Variants in C3orf49 observed in about 807,000 individuals in gnomAD.
The protein encoded by C3orf49 is putative uncharacterized protein C3orf49.
A neutral mutation model predicts 13.3 loss-of-function variants in C3orf49; 27 were observed. The ratio of observed to expected loss-of-function variants is 2.02; its 90% CI spans 1.49 to 2.79. C3orf49 has a LOEUF of 2.79. Among genes scored for constraint, C3orf49 ranks in the 30% most tolerant of loss-of-function variants. The pLI is 0.00. For missense variants in C3orf49, 242 were observed against 134.2 expected, an observed-to-expected ratio of 1.80 and a Z score of -3.97; for synonymous variants, 87 against 47.6, an observed-to-expected ratio of 1.83 and a Z score of -3.40.
rs1255265912 is a variant in C3orf49 at position 63,845,081 on chromosome 3, A to T, written c.*29A>T. The T allele has an allele frequency of 2.9e-6, 2 of 697,556 alleles. No homozygotes were observed. Among genetic ancestry groups the T allele is most frequent in the South Asian group, 3.0e-5 (2 of 66,944 alleles). 43.2% of individuals were successfully genotyped at this position (697,556 alleles called of 1,614,324 possible). A position where few individuals can be genotyped will look rare whatever the true frequency, so the allele number is the denominator to read the frequency against. The stretch of plus-strand genomic sequence containing the variant: ...GAGACTCCTTGAGGAACACAGGAAA[A>T]GGTGATGCTAACCTTCTTTTCTGGG... On this transcript the variant is annotated splice_region_variant and 3_prime_UTR_variant, in exon 6 of 7. Coordinates refer to ENST00000295896, the MANE Select transcript of C3orf49 (RefSeq NM_001355236.2).
chr3:63,786,583 G>A, the C3orf49 span, among the ~76,000 whole-genome samples: 3 of 152,126 alleles, frequency 2.0e-5, no homozygotes, highest in Non-Finnish European at 4.4e-5. Flanking sequence ...GAAATACTCC[G>A]ACGTCTGTTC....
At chr3:63,828,887 T>C (rs1049148877) in intron 3 of C3orf49, among the ~76,000 whole-genome samples, 2 of 152,172 alleles carry the variant, frequency 1.3e-5, no homozygotes, top group Non-Finnish European at 2.9e-5. Context: ...TTAGTAGTAA[T>C]TGCCATGCTA....
At chr3:63,783,038 C>T in the C3orf49 span, 2 of 151,962 alleles carry the variant, frequency 1.3e-5, no homozygotes, top group African/African-American at 2.4e-5. Context: ...TGAATGAATC[C>T]TAATTGAAAG....
chr3:63,806,470 G>A, the C3orf49 span, among the ~76,000 whole-genome samples: 163 of 152,190 alleles, frequency 1.1e-3, no homozygotes, highest in Non-Finnish European at 1.9e-3. Flanking sequence ...AAAACATAAA[G>A]AATATGGCAC....
chr3:63,787,757 A>G, the C3orf49 span, among the ~76,000 whole-genome samples: 3 of 152,008 alleles, frequency 2.0e-5, no homozygotes, highest in South Asian at 2.1e-4. Context: ...TTCCCCTCCC[A>G]TTGTATCTGT....
upstream of C3orf49, among the ~76,000 whole-genome samples, chr3:63,816,933 C>T (rs937645079): frequency 3.3e-5 from 5 of 151,904 alleles, no homozygotes; most frequent in African/African-American, 4.8e-5. Flanking sequence ...TTACCACGCC[C>T]GGCTAATTTT....
intron 3 of C3orf49, 87 bp downstream of exon 3, chr3:63,827,812 T>C (rs1575797586): frequency 3.1e-6 from 2 of 649,118 alleles, no homozygotes; most frequent in East Asian, 2.7e-5. Flanking sequence ...TGTCCTACCA[T>C]GAGTCCTCCA....
At chr3:63,816,774 T>TC (rs1233649982), upstream of C3orf49, among the ~76,000 whole-genome samples, 6 of 136,652 alleles carry the variant, frequency 4.4e-5, no homozygotes, top group East Asian at 6.3e-4. Flanking sequence ...CTTTTCTTTT[T>TC]TTTTTTTTTT....
intron 3 of C3orf49, among the ~76,000 whole-genome samples, chr3:63,828,645 A>G (rs1701495854): frequency 6.6e-6 from 1 of 152,228 alleles, no homozygotes; most frequent in African/African-American, 2.4e-5. Flanking sequence ...TTTTTCAAAA[A>G]TAGAACCATG....
chr3:63,824,849 A>G (rs1338421623), intron 2 of C3orf49, among the ~76,000 whole-genome samples: 16 of 151,460 alleles, frequency 1.1e-4, no homozygotes, highest in African/African-American at 3.4e-4. Context: ...AAAAAAAAAA[A>G]AAAAAGAAAA....
chr3:63,801,259 C>T, the C3orf49 span, among the ~76,000 whole-genome samples: 1 of 151,662 alleles, frequency 6.6e-6, no homozygotes, highest in Admixed American at 6.6e-5. Flanking sequence ...ATCTGAGCCT[C>T]AAATTTTTTT....
the C3orf49 span, among the ~76,000 whole-genome samples, chr3:63,781,359 T>C: frequency 6.6e-6 from 1 of 152,112 alleles, no homozygotes; most frequent in Non-Finnish European, 1.5e-5. Context: ...ATCTCTGTTT[T>C]GGTACCAGTA....
At chr3:63,789,182 T>C in the C3orf49 span, among the ~76,000 whole-genome samples, 67 of 152,228 alleles carry the variant, frequency 4.4e-4, no homozygotes, top group African/African-American at 1.6e-3. Context: ...GTGAACCCTA[T>C]TGTGAACTGC....
At position 63,845,082 on chromosome 3, in the gene C3orf49, G is replaced by A. The variant is rs1428705502; in HGVS notation, c.*30G>A. The A allele has an allele frequency of 1.4e-6, 1 of 697,522 alleles. No homozygotes were observed. The allele number at this position is 697,522 out of a possible 1,614,324, so 43.2% of individuals were successfully genotyped here. A position where few individuals can be genotyped will look rare whatever the true frequency, so the allele number is the denominator to read the frequency against. Reference sequence around the variant, plus strand: ...AGACTCCTTGAGGAACACAGGAAAAGGTGATGCTAACCTTCTTTTCTGGGG... The same window carrying A: ...AGACTCCTTGAGGAACACAGGAAAAAGTGATGCTAACCTTCTTTTCTGGGG... On this transcript the variant is annotated splice_region_variant and 3_prime_UTR_variant, in exon 6 of 7. Coordinates refer to ENST00000295896, the MANE Select transcript of C3orf49 (RefSeq NM_001355236.2).
chr3:63,827,481 GA>G (rs923131562), intron 2 of C3orf49, 119 bp from the exon 3 acceptor site: 29 of 561,746 alleles, frequency 5.2e-5, no homozygotes, highest in South Asian at 1.5e-4. Context: ...TAACTCTAAA[GA>G]AAAAAAAAGC....
chr3:63,834,412 C>T (rs1299735320), intron 5 of C3orf49, among the ~76,000 whole-genome samples: 2 of 151,224 alleles, frequency 1.3e-5, no homozygotes, highest in African/African-American at 2.4e-5. Context: ...ATAATCCCAG[C>T]ACTTTGGGAG....
the C3orf49 span, among the ~76,000 whole-genome samples, chr3:63,799,573 G>C: frequency 0.14 from 21,142 of 151,924 alleles, 1,901 homozygotes; most frequent in East Asian, 0.27. Context: ...TGCCATAACC[G>C]TTCCATATGG....
chr3:63,809,078 C>T, the C3orf49 span, among the ~76,000 whole-genome samples: 1 of 152,198 alleles, frequency 6.6e-6, no homozygotes, highest in Non-Finnish European at 1.5e-5. Context: ...TTTCACCATC[C>T]TCTTTCCTGA....
chr3:63,807,839 A>G, the C3orf49 span, among the ~76,000 whole-genome samples: 1 of 148,654 alleles, frequency 6.7e-6, no homozygotes, highest in Non-Finnish European at 1.5e-5. Flanking sequence ...CCTGGGCAAC[A>G]AGAGTGAAAC....
Sources: allele counts gnomAD v4.1 joint callset (sites outside exome capture counted in the v4.1 genomes callset), GRCh38; gene constraint gnomAD v4.1.1; transcripts MANE v1.5; gene names NCBI Gene and HGNC (gene_info 2026-07-23, HGNC 2026-07-21).